Variants in EDIL3 observed in about 807,000 individuals in gnomAD.
EDIL3 encodes the protein EGF like and discoidin domains 3.
Under a neutral mutation model 67.4 loss-of-function variants are expected in EDIL3, and 37 were observed. The ratio of observed to expected loss-of-function variants is 0.55; its 90% CI spans 0.42 to 0.72. The LOEUF (loss-of-function observed/expected upper bound fraction) is 0.72. Ranked by LOEUF, EDIL3 falls within the 30% of genes least tolerant of loss-of-function variation. EDIL3 has a pLI of 0.00. For missense variants in EDIL3, 527 were observed against 586.3 expected, an observed-to-expected ratio of 0.90 and a Z score of 1.04; for synonymous variants, 195 against 196.3, an observed-to-expected ratio of 0.99 and a Z score of 0.05.
At chr5:84,071,587 A>G (rs1406454790) in intron 6 of EDIL3, among the ~76,000 whole-genome samples, 1 of 152,226 alleles carries the variant, frequency 6.6e-6, no homozygotes, top group East Asian at 1.9e-4. Flanking sequence ...AATAGCAAAG[A>G]AGCAAAGAGA....
intron 4 of EDIL3, among the ~76,000 whole-genome samples, chr5:84,173,885 A>T (rs1748855855): frequency 1.3e-5 from 2 of 152,190 alleles, no homozygotes; most frequent in South Asian, 4.1e-4. Context: ...ATCTATGCTG[A>T]GCATTGCCAA....
At chr5:84,166,952 T>C (rs1432553482) in intron 4 of EDIL3, among the ~76,000 whole-genome samples, 1 of 152,086 alleles carries the variant, frequency 6.6e-6, no homozygotes, top group African/African-American at 2.4e-5. Context: ...GGAGTATAGT[T>C]GGATATAAGA....
chr5:83,994,669 G>A (rs1358228839), intron 9 of EDIL3, among the ~76,000 whole-genome samples: 1 of 152,086 alleles, frequency 6.6e-6, no homozygotes, highest in Non-Finnish European at 1.5e-5. Context: ...ACACCACATT[G>A]CTTAGTTCTT....
intron 4 of EDIL3, among the ~76,000 whole-genome samples, chr5:84,169,894 T>C (rs1162832776): frequency 6.6e-6 from 1 of 152,156 alleles, no homozygotes; most frequent in African/African-American, 2.4e-5. Flanking sequence ...TTTACTTATC[T>C]GGGATAAATG....
intron 9 of EDIL3, among the ~76,000 whole-genome samples, chr5:84,040,504 T>C (rs983333257): frequency 2.7e-5 from 4 of 148,058 alleles, no homozygotes; most frequent in South Asian, 2.1e-4. Flanking sequence ...AGGGTATATA[T>C]AGATATATAA....
chr5:84,299,232 A>AT (rs1746107199), intron 1 of EDIL3, among the ~76,000 whole-genome samples: 1 of 152,062 alleles, frequency 6.6e-6, no homozygotes, highest in Non-Finnish European at 1.5e-5. Context: ...GTATATACAC[A>AT]TTTTTTAAAA....
intron 9 of EDIL3, among the ~76,000 whole-genome samples, chr5:84,041,620 G>GCA (rs765142021): frequency 6.9e-6 from 1 of 145,444 alleles, no homozygotes. Context: ...ACATATATAT[G>GCA]CACACACACA....
In EDIL3 at chr5:84,305,231, C is replaced by CT. The variant is rs575616275; in HGVS notation, c.68-51020dup. Reference sequence around the variant, plus strand: ...CAGGTACATTTAAATGCTATTAACACTTTTTTTAATTCCATTGATTTCTCC... The same window carrying CT: ...CAGGTACATTTAAATGCTATTAACACTTTTTTTTAATTCCATTGATTTCTCC... On this transcript the variant is annotated intron_variant, in intron 1 of 10. Transcript: ENST00000296591. Among the ~76,000 whole-genome samples the CT allele has an allele frequency of 1.8e-4, 28 of 152,268 alleles. No individual in the cohort carries two copies. The South Asian group carries it at 4.1e-3, about 23-fold the overall frequency.
intron 9 of EDIL3, among the ~76,000 whole-genome samples, chr5:84,011,195 A>C (rs1246024373): frequency 6.6e-6 from 1 of 152,118 alleles, no homozygotes; most frequent in African/African-American, 2.4e-5. Flanking sequence ...TTTAGTAGCT[A>C]CATCACTGTC....
intron 5 of EDIL3, among the ~76,000 whole-genome samples, chr5:84,136,106 A>G (rs557235063): frequency 2.6e-5 from 4 of 152,256 alleles, no homozygotes; most frequent in Admixed American, 1.3e-4. Context: ...TGTCATGTAT[A>G]TTCATGTTTA....
chr5:84,323,079 T>C (rs1276667385), intron 1 of EDIL3, among the ~76,000 whole-genome samples: 2 of 152,212 alleles, frequency 1.3e-5, no homozygotes, highest in African/African-American at 4.8e-5. Context: ...TTTGTAACTT[T>C]AATATTTGTT....
At chr5:84,137,180 TACATACACAC>T in intron 5 of EDIL3, 51 bp downstream of exon 5, 1 of 896,420 alleles carries the variant, frequency 1.1e-6, no homozygotes, top group Non-Finnish European at 1.6e-6. Flanking sequence ...TGTGTGTGTA[TACATACACAC>T]ACACACACAC....
chr5:84,219,706 C>G (rs900244153), intron 3 of EDIL3, among the ~76,000 whole-genome samples: 2 of 135,904 alleles, frequency 1.5e-5, no homozygotes, highest in African/African-American at 2.6e-5. Context: ...GATTTGGAAG[C>G]AAACTAAGTG....
intron 1 of EDIL3, among the ~76,000 whole-genome samples, chr5:84,329,351 A>AT (rs1019540740): frequency 1.3e-5 from 2 of 152,022 alleles, no homozygotes; most frequent in Non-Finnish European, 2.9e-5. Context: ...TAATACTGAG[A>AT]TTTTTTTCAA....
intron 4 of EDIL3, among the ~76,000 whole-genome samples, chr5:84,160,774 C>T (rs1037884247): frequency 1.8e-3 from 99 of 53,858 alleles, no homozygotes; most frequent in African/African-American, 4.5e-3. Context: ...CCTTTCCTTT[C>T]CTTTCCTTTC....
chr5:84,056,058 C>T (rs1299841731), intron 9 of EDIL3, among the ~76,000 whole-genome samples: 1 of 152,156 alleles, frequency 6.6e-6, no homozygotes, highest in Non-Finnish European at 1.5e-5. Context: ...TTGGAACCAA[C>T]CCAAATGTCC....
At chr5:84,361,181 T>C (rs1449144139) in intron 1 of EDIL3, among the ~76,000 whole-genome samples, 1 of 151,842 alleles carries the variant, frequency 6.6e-6, no homozygotes, top group African/African-American at 2.4e-5. Context: ...ATCTCATTAG[T>C]TTGGATTTGC....
chr5:84,099,513 C>T (rs367857227), intron 6 of EDIL3, among the ~76,000 whole-genome samples: 26 of 152,190 alleles, frequency 1.7e-4, no homozygotes, highest in East Asian at 1.2e-3. Flanking sequence ...GTTGGGAAAA[C>T]GGGCTAGCCA....
chr5:84,195,601 C>T (rs751202679), intron 3 of EDIL3, among the ~76,000 whole-genome samples: 9 of 151,898 alleles, frequency 5.9e-5, no homozygotes, highest in Non-Finnish European at 1.2e-4. Context: ...TAAACAATAT[C>T]CTTGCCTGAT....
Sources: allele counts gnomAD v4.1 joint callset (sites outside exome capture counted in the v4.1 genomes callset), GRCh38; gene constraint gnomAD v4.1.1; transcripts MANE v1.5; gene names NCBI Gene and HGNC (gene_info 2026-07-23, HGNC 2026-07-21).